THRB: variants seen among roughly 807,000 people sequenced by gnomAD.
THRB encodes the protein thyroid hormone receptor beta.
A neutral mutation model predicts 47.8 loss-of-function variants in THRB; 12 were observed. That is an observed-to-expected ratio of 0.25 (90% CI 0.16 to 0.41). THRB has a LOEUF of 0.41. THRB is among the 10% of genes least tolerant of loss of function. THRB has a pLI of 1.00. For missense variants in THRB, 348 were observed against 589.2 expected, an observed-to-expected ratio of 0.59 and a Z score of 4.24; for synonymous variants, 218 against 212.2, an observed-to-expected ratio of 1.03 and a Z score of -0.24.
intron 4 of THRB, among the ~76,000 whole-genome samples, chr3:24,224,217 C>A (rs2047430410): frequency 6.6e-6 from 1 of 152,072 alleles, no homozygotes; most frequent in South Asian, 2.1e-4. Flanking sequence ...ATGTACAAGG[C>A]AGTTCATTAT....
At chr3:24,330,098 G>T (rs1218768954) in intron 2 of THRB, among the ~76,000 whole-genome samples, 1 of 152,142 alleles carries the variant, frequency 6.6e-6, no homozygotes, top group Non-Finnish European at 1.5e-5. Context: ...GAGGTCAGGA[G>T]ATCGAGACCA....
intron 4 of THRB, among the ~76,000 whole-genome samples, chr3:24,196,103 T>G (rs997412780): frequency 2.0e-5 from 3 of 152,340 alleles, no homozygotes; most frequent in Middle Eastern, 3.4e-3. Flanking sequence ...TTATCATCCC[T>G]GTTTTACATG....
At chr3:24,367,173 G>A (rs180768471) in intron 1 of THRB, among the ~76,000 whole-genome samples, 6 of 152,258 alleles carry the variant, frequency 3.9e-5, no homozygotes, top group Admixed American at 1.3e-4. Flanking sequence ...GAAGCAGGAC[G>A]TGGAGATGTT....
chr3:24,241,013 C>T (rs1442698449), intron 3 of THRB, among the ~76,000 whole-genome samples: 4 of 152,168 alleles, frequency 2.6e-5, no homozygotes, highest in African/African-American at 9.7e-5. Flanking sequence ...ACACGTCCAG[C>T]TGTGTTGGTG....
chr3:24,447,744 A>G (rs1289615627), intron 1 of THRB, among the ~76,000 whole-genome samples: 34 of 152,094 alleles, frequency 2.2e-4, no homozygotes, highest in Admixed American at 2.2e-3. Context: ...AACTCGAGAA[A>G]GCCTGACCAT....
intron 2 of THRB, among the ~76,000 whole-genome samples, chr3:24,297,890 G>A (rs954337375): frequency 2.0e-5 from 3 of 152,122 alleles, no homozygotes; most frequent in South Asian, 2.1e-4. Flanking sequence ...GTAAGGGCCC[G>A]TGCTTTAGAC....
At position 24,150,188 on chromosome 3, in the gene THRB, T is replaced by C. The variant is rs182307567; in HGVS notation, c.384+2202A>G. 2.0e-5 allele frequency among the ~76,000 whole-genome samples: 3 copies of C among 152,328 alleles called. No homozygotes were observed. The East Asian group carries it at 5.8e-4, about 29-fold the overall frequency. On this transcript the variant is annotated intron_variant, in intron 6 of 10. Transcript: ENST00000646209. ...TGACATCTCCAAAAGATTTCACTCT[T>C]CTCAGGGTGAAAACTGGCAAAAAGG...
intron 1 of THRB, among the ~76,000 whole-genome samples, chr3:24,339,618 T>C (rs1252942168): frequency 6.6e-6 from 1 of 152,240 alleles, no homozygotes; most frequent in Non-Finnish European, 1.5e-5. Context: ...GGCATCTTTT[T>C]CATGCTGTGC....
intron 1 of THRB, among the ~76,000 whole-genome samples, chr3:24,380,566 G>GGTT (rs2065627843): frequency 6.6e-6 from 1 of 151,970 alleles, no homozygotes; most frequent in Non-Finnish European, 1.5e-5. Flanking sequence ...ACTGCCCTAT[G>GGTT]AACACATATT....
intron 4 of THRB, among the ~76,000 whole-genome samples, chr3:24,214,948 C>A (rs146018316): frequency 6.6e-6 from 1 of 152,308 alleles, no homozygotes; most frequent in African/African-American, 2.4e-5. Flanking sequence ...TAAATATTAT[C>A]ACCCCATCAA....
intron 1 of THRB, among the ~76,000 whole-genome samples, chr3:24,448,024 A>G (rs544834624): frequency 6.6e-6 from 1 of 152,110 alleles, no homozygotes; most frequent in South Asian, 2.1e-4. Context: ...ACCTGTAGCG[A>G]TCTTGTTGGT....
intron 5 of THRB, among the ~76,000 whole-genome samples, chr3:24,152,949 C>A (rs1245751615): frequency 1.6e-5 from 2 of 126,392 alleles, no homozygotes; most frequent in East Asian, 4.6e-4. Context: ...GCGACAAGAG[C>A]GAAATTCTGC....
At chr3:24,243,068 GAAAAAAAAAAAAAAAAAAA>G (rs71057662) in intron 3 of THRB, among the ~76,000 whole-genome samples, 1 of 92,004 alleles carries the variant, frequency 1.1e-5, no homozygotes, top group African/African-American at 4.3e-5. Flanking sequence ...GCGCACCTTT[GAAAAAAAAAAAAAAAAAAA>G]AAAAAAAATC....
rs1234750092 is a variant in THRB at position 24,482,512 on chromosome 3, GTTCT to G, written c.-261+12136_-261+12139del. Among the ~76,000 whole-genome samples the G allele has an allele frequency of 1.1e-3, 147 of 136,624 alleles. 1 individual carries two copies. Among genetic ancestry groups the G allele is most frequent in the East Asian group, 4.8e-3 (24 of 4,960 alleles). The allele number at this position is 136,624 out of a possible 152,430, so 89.6% of individuals were successfully genotyped here. A position where few individuals can be genotyped will look rare whatever the true frequency, so the allele number is the denominator to read the frequency against. The stretch of plus-strand genomic sequence containing the variant: ...CATTCATTCATTCATTCATTCATTC[GTTCT>G]TTCTTTCTTTCTTTCTGTCTCCCTC... On this transcript the variant is annotated intron_variant, in intron 1 of 10. Coordinates refer to ENST00000646209, the MANE Select transcript of THRB (RefSeq NM_001354712.2).
intron 3 of THRB, among the ~76,000 whole-genome samples, chr3:24,246,934 A>G (rs2050164881): frequency 1.3e-5 from 2 of 152,096 alleles, no homozygotes; most frequent in Admixed American, 1.3e-4. Context: ...CACTTTTCAG[A>G]AAAAAATTCA....
intron 7 of THRB, 148 bp downstream of exon 7, chr3:24,146,527 G>A: frequency 3.6e-6 from 3 of 825,110 alleles, no homozygotes; most frequent in Non-Finnish European, 5.9e-6. Flanking sequence ...GCCTGGATGT[G>A]GGGAGTGAGG....
chr3:24,396,094 T>C (rs1046705811), intron 1 of THRB, among the ~76,000 whole-genome samples: 7 of 152,058 alleles, frequency 4.6e-5, no homozygotes, highest in South Asian at 2.1e-4. Flanking sequence ...CTAAAAACCA[T>C]TGAATGTACA....
chr3:24,284,618 A>G (rs1406696523), intron 3 of THRB, among the ~76,000 whole-genome samples: 1 of 150,460 alleles, frequency 6.6e-6, no homozygotes, highest in African/African-American at 2.5e-5. Flanking sequence ...GCACAGCAAA[A>G]GAAACTACCA....
intron 5 of THRB, among the ~76,000 whole-genome samples, chr3:24,188,858 AATATATATATATAT>A (rs34740399): frequency 2.0e-4 from 19 of 94,306 alleles, no homozygotes; most frequent in African/African-American, 1.0e-3. Context: ...GATCTCCTCA[AATATATATATATAT>A]ATATATATAT....
Sources: allele counts gnomAD v4.1 joint callset (sites outside exome capture counted in the v4.1 genomes callset), GRCh38; gene constraint gnomAD v4.1.1; transcripts MANE v1.5; gene names NCBI Gene and HGNC (gene_info 2026-07-23, HGNC 2026-07-21).